Variants in PCOLCE2 observed in about 807,000 individuals in gnomAD.
PCOLCE2 encodes procollagen C-endopeptidase enhancer 2.
A neutral mutation model predicts 47.0 loss-of-function variants in PCOLCE2; 42 were observed. That is an observed-to-expected ratio of 0.89 (90% confidence interval 0.70 to 1.16). The LOEUF is 1.16. Ranked by LOEUF, PCOLCE2 falls within the 50% of genes most tolerant of loss-of-function variation. The probability of loss-of-function intolerance (pLI) is 0.00; values close to 1 mark genes in which losing one functional copy is unlikely to be tolerated. For missense variants in PCOLCE2, 500 were observed against 526.1 expected (o/e 0.95, Z 0.49); for synonymous variants, 169 against 191.7 (o/e 0.88, Z 0.98).
In PCOLCE2 at chr3:142,829,846, C is replaced by A; in HGVS notation, c.711G>T (p.Ala237=). 3 of 1,545,756 alleles carry A rather than the reference C, an allele frequency of 1.9e-6. No homozygotes were observed. Among genetic ancestry groups the A allele is most frequent in the Middle Eastern group, 1.7e-4 (1 of 5,816 alleles). ...GTTCATTTCTCTCAGACACAATTGGCCTAAAAAAAGAAAAATGTGTTTTTT... is the reference window on the plus strand; with the variant it reads ...GTTCATTTCTCTCAGACACAATTGGACTAAAAAAAGAAAAATGTGTTTTTT... The part of the protein sequence containing the change: ...IGKYCGDSPP[A]PIVSERNELL... Residue 237 remains alanine (A), a splice_region_variant and synonymous_variant, in exon 6 of 9, where the codon GCG becomes GCT. Transcript: ENST00000295992.
At chr3:142,825,155 T>G (rs1937060594) in intron 6 of PCOLCE2, among the ~76,000 whole-genome samples, 1 of 152,190 alleles carries the variant, frequency 6.6e-6, no homozygotes, top group Non-Finnish European at 1.5e-5. Flanking sequence ...GGAATTAAAT[T>G]TACTCAGTTA....
chr3:142,864,580 A>G (rs1182635123), intron 2 of PCOLCE2: 1 of 152,254 alleles, frequency 6.6e-6, no homozygotes, highest in Non-Finnish European at 1.5e-5. Flanking sequence ...TAGAAAATGT[A>G]TGGAGTTGTG....
chr3:142,823,615 C>T lies in PCOLCE2; in HGVS notation c.866G>A (p.Gly289Asp). 1.3e-6 allele frequency: 2 copies of T among 1,583,594 alleles called. No homozygotes were observed. The highest frequency in any genetic ancestry group is 1.7e-6 in the Non-Finnish European group (2 of 1,154,336). ...PVTTTFPVTTGLKPTVALCQQ... is the reference protein window; with the variant it reads ...PVTTTFPVTTDLKPTVALCQQ... ...ACACAAGGCCACGGTGGGTTTTAAA[C>T]CTTAATTCAAAGAAGACATAAGTTT... Residue 289 changes from glycine to aspartate, a missense_variant and splice_region_variant, in exon 7 of 9, where the codon GGT (glycine) becomes GAT (aspartate). Coordinates refer to ENST00000295992, the MANE Select transcript of PCOLCE2 (RefSeq NM_013363.4).
intron 2 of PCOLCE2, among the ~76,000 whole-genome samples, chr3:142,859,079 T>C (rs1214858017): frequency 6.6e-6 from 1 of 151,602 alleles, no homozygotes; most frequent in Non-Finnish European, 1.5e-5. Flanking sequence ...TTTTTTTTTT[T>C]AGAGACAGAG....
chr3:142,886,692 G>T (rs1040230430), intron 2 of PCOLCE2, among the ~76,000 whole-genome samples: 1 of 152,176 alleles, frequency 6.6e-6, no homozygotes, highest in African/African-American at 2.4e-5. Context: ...CCGACTGTCT[G>T]ATCAAGTCAA....
intron 2 of PCOLCE2, among the ~76,000 whole-genome samples, chr3:142,886,097 C>T (rs1933713207): frequency 6.6e-6 from 1 of 152,214 alleles, no homozygotes; most frequent in African/African-American, 2.4e-5. Context: ...CTGCTGAGCT[C>T]ACAGGCTTTC....
chr3:142,858,515 T>A (rs1470377168), intron 2 of PCOLCE2, among the ~76,000 whole-genome samples: 1 of 152,184 alleles, frequency 6.6e-6, no homozygotes, highest in Non-Finnish European at 1.5e-5. Context: ...CACATATATG[T>A]GCGTGCGTGT....
intron 2 of PCOLCE2, among the ~76,000 whole-genome samples, chr3:142,879,480 G>A (rs902131948): frequency 1.3e-5 from 2 of 152,142 alleles, no homozygotes; most frequent in African/African-American, 4.8e-5. Flanking sequence ...TCAAAAGCAG[G>A]CAGAAAGCTA....
At chr3:142,818,565 AATGGTAAGATTAT>A (rs1395073809) in intron 8 of PCOLCE2, 100 bp from the exon 9 acceptor site, 6 of 941,022 alleles carry the variant, frequency 6.4e-6, no homozygotes, top group Non-Finnish European at 1.0e-5. Flanking sequence ...CTCTTCTGCA[AATGGTAAGATTAT>A]ACATGTATTC....
intron 3 of PCOLCE2, among the ~76,000 whole-genome samples, chr3:142,847,988 G>A (rs1417645528): frequency 6.6e-6 from 1 of 152,228 alleles, no homozygotes; most frequent in East Asian, 1.9e-4. Flanking sequence ...GTGTGCTTAT[G>A]TATGTAAGCT....
In PCOLCE2 at chr3:142,870,071, CAT is replaced by C. The variant is rs1401955936; in HGVS notation, c.192+17596_192+17597del. Among the ~76,000 whole-genome samples the C allele has an allele frequency of 9.2e-5, 14 of 152,172 alleles. 1 individual carries two copies. Among genetic ancestry groups the C allele is most frequent in the Admixed American group, 9.2e-4 (14 of 15,274 alleles). On this transcript the variant is annotated intron_variant, in intron 2 of 8. Transcript: ENST00000295992. ...TCACATGAATGAGGGATAATTTTAA[CAT>C]ATGTCAATCTGTTAGGTAATTATCA...
Position 142,818,302 on chromosome 3 carries a change from G to T in PCOLCE2, c.*33C>A, listed in dbSNP as rs1201793510. 2 of 1,595,532 alleles carry T rather than the reference G, an allele frequency of 1.3e-6. No individual in the cohort carries two copies. Among genetic ancestry groups the T allele is most frequent in the Admixed American group, 3.3e-5 (2 of 59,752 alleles). The stretch of plus-strand genomic sequence containing the variant: ...GAACATAGATCTTTCAAAGGCAATG[G>T]CAGAATACAGCTTAAATGGACACAG... On this transcript the variant is annotated 3_prime_UTR_variant, in exon 9 of 9. Transcript: ENST00000295992.
chr3:142,883,954 A>T (rs773672072), intron 2 of PCOLCE2, among the ~76,000 whole-genome samples: 1 of 152,136 alleles, frequency 6.6e-6, no homozygotes, highest in Non-Finnish European at 1.5e-5. Context: ...CCTTGGGAAC[A>T]CATCCTAGCA....
chr3:142,862,359 T>C (rs1578044925), intron 2 of PCOLCE2, among the ~76,000 whole-genome samples: 2 of 152,042 alleles, frequency 1.3e-5, no homozygotes, highest in South Asian at 4.2e-4. Context: ...GGCAGGGGAG[T>C]GTTCGTTCTC....
intron 7 of PCOLCE2, among the ~76,000 whole-genome samples, chr3:142,823,220 G>A (rs1348346391): frequency 6.6e-6 from 1 of 152,150 alleles, no homozygotes; most frequent in African/African-American, 2.4e-5. Context: ...CTCTGTATAT[G>A]AAAAATATAT....
chr3:142,845,634 G>A (rs1362730137), intron 3 of PCOLCE2, among the ~76,000 whole-genome samples: 4 of 152,062 alleles, frequency 2.6e-5, no homozygotes, highest in Non-Finnish European at 5.9e-5. Context: ...ATTCTTGAAG[G>A]CTGGCTATAG....
At chr3:142,845,084 C>CT (rs548560265) in intron 3 of PCOLCE2, among the ~76,000 whole-genome samples, 1 of 152,082 alleles carries the variant, frequency 6.6e-6, no homozygotes, top group African/African-American at 2.4e-5. Context: ...CCATTTACTA[C>CT]TTTTTTCTAT....
chr3:142,841,705 C>T (rs767330059), intron 4 of PCOLCE2, among the ~76,000 whole-genome samples: 4 of 152,020 alleles, frequency 2.6e-5, no homozygotes, highest in Non-Finnish European at 5.9e-5. Flanking sequence ...CACTAACTTG[C>T]ATGGTATATT....
chr3:142,847,699 G>T (rs1408668166), intron 3 of PCOLCE2, among the ~76,000 whole-genome samples: 1 of 152,072 alleles, frequency 6.6e-6, no homozygotes, highest in Non-Finnish European at 1.5e-5. Flanking sequence ...ACCACACCCA[G>T]ATAATTTTTG....
Sources: allele counts gnomAD v4.1 joint callset (sites outside exome capture counted in the v4.1 genomes callset), GRCh38; gene constraint gnomAD v4.1.1; transcripts MANE v1.5; gene names NCBI Gene and HGNC (gene_info 2026-07-23, HGNC 2026-07-21).